IGHMBP2: variants seen among roughly 807,000 people sequenced by gnomAD.
The protein encoded by IGHMBP2 is DNA-binding protein SMUBP-2.
IGHMBP2 carries 81 observed loss-of-function variants against 96.0 expected under a neutral mutation model. The observed-to-expected ratio is 0.84, with a 90% CI of 0.71 to 1.01. The LOEUF (loss-of-function observed/expected upper bound fraction) is 1.01, where lower values mean the gene tolerates loss of function less well. Among genes scored for constraint, IGHMBP2 ranks in the 50% least tolerant of loss-of-function variants. The pLI is 0.00. For synonymous variants in IGHMBP2, 557 were observed against 548.9 expected, an observed-to-expected ratio of 1.01 and a Z score of -0.21; for missense variants, 1,227 against 1,306.3, an observed-to-expected ratio of 0.94 and a Z score of 0.94.
chr11:68,914,339 C>T (rs963880701), intron 5 of IGHMBP2, among the ~76,000 whole-genome samples: 6 of 151,896 alleles, frequency 4.0e-5, no homozygotes, highest in Admixed American at 3.3e-4. Flanking sequence ...CTACAGTGTT[C>T]GGGAGACAAC....
chr11:68,911,371 C>G, intron 4 of IGHMBP2, 69 bp from the exon 5 acceptor site: 9 of 1,531,592 alleles, frequency 5.9e-6, no homozygotes, highest in Non-Finnish European at 6.3e-6. Flanking sequence ...GGGGCACACA[C>G]TCTCTGAGGA....
chr11:68,911,966 C>A (rs2154006979), intron 5 of IGHMBP2, among the ~76,000 whole-genome samples: 1 of 152,352 alleles, frequency 6.6e-6, no homozygotes, highest in South Asian at 2.1e-4. Context: ...TGGGCCCGGT[C>A]TGTGCCCGTC....
rs562842135 is a variant in IGHMBP2, at chr11:68,920,164, G to A, written c.1060+2281G>A. 1.1e-4 allele frequency among the ~76,000 whole-genome samples: 17 copies of A among 152,266 alleles called. No individual in the cohort carries two copies. The South Asian group carries it at 1.2e-3, about 11-fold the overall frequency. ...TAAGTGGAACCATGCAGGATTTGTC[G>A]TCTTGTGACTGGCTTGTTTTATTTA... On this transcript the variant is annotated intron_variant, in intron 7 of 14. Coordinates refer to ENST00000255078, the MANE Select transcript of IGHMBP2 (RefSeq NM_002180.3).
Position 68,933,892 on chromosome 11 carries a change from G to A in IGHMBP2, c.1516G>A (p.Glu506Lys), listed in dbSNP as rs556292818. Residue 506 changes from glutamate (E) to lysine (K), a missense_variant, in exon 10 of 15, where the codon GAA becomes AAA. Glu to Lys is a moderately conservative substitution (Grantham distance 56). Transcript: ENST00000255078. ...CGLFELEEED[E>K]QSKGNPGEVR... Reference sequence around the variant, plus strand: ...GCTGTTTGAGCTGGAGGAGGAGGACGAACAGTCGAAAGGGAACCCTGGTGA... The same window carrying A: ...GCTGTTTGAGCTGGAGGAGGAGGACAAACAGTCGAAAGGGAACCCTGGTGA... 8.8e-6 allele frequency: 14 copies of A among 1,596,538 alleles called. No homozygotes were observed. Among genetic ancestry groups the A allele is most frequent in the East Asian group, 4.5e-5 (2 of 44,316 alleles).
chr11:68,910,558 C>T (rs1858388562), intron 4 of IGHMBP2, among the ~76,000 whole-genome samples: 2 of 152,202 alleles, frequency 1.3e-5, no homozygotes, highest in African/African-American at 4.8e-5. Context: ...GGGCTGAGCA[C>T]AGCACCACCT....
intron 4 of IGHMBP2, among the ~76,000 whole-genome samples, chr11:68,909,027 G>A (rs1031802495): frequency 1.3e-5 from 2 of 151,530 alleles, no homozygotes; most frequent in African/African-American, 4.9e-5. Context: ...TTTTAGTAGA[G>A]ATGAGGTTTC....
At chr11:68,904,074 G>T in intron 1 of IGHMBP2, 36 bp downstream of exon 1, 1 of 1,511,046 alleles carries the variant, frequency 6.6e-7, no homozygotes, top group Middle Eastern at 1.9e-4. Flanking sequence ...CCTCGCGGTC[G>T]GTCCCGCCGT....
In IGHMBP2 at chr11:68,938,340, C is replaced by T. The variant is rs1594458556; in HGVS notation, c.2770C>T (p.His924Tyr). 6.2e-7 allele frequency: 1 copy of T among 1,610,828 alleles called. No homozygotes were observed. Among genetic ancestry groups the T allele is most frequent in the Non-Finnish European group, 8.5e-7 (1 of 1,179,256 alleles). Reference sequence around the variant, plus strand: ...CTGCAGCCGCCGCTACTGCCTCAGCCACCACCTGCCCGAGGTATGTCGGCC... The same window carrying T: ...CTGCAGCCGCCGCTACTGCCTCAGCTACCACCTGCCCGAGGTATGTCGGCC... ...QLCSRRYCLS[H>Y]HLPEIHGCGE... The change falls in exon 14 of 15, where the codon CAC becomes TAC. Residue 924 changes from histidine to tyrosine, a missense_variant. Physicochemically the swap from His to Tyr is moderately conservative, Grantham distance 83. Around this residue, in one of 3 missense-constraint regions of IGHMBP2, gnomAD observed 703 missense variants for 770.3 expected, o/e 0.91. Coordinates refer to ENST00000255078, the MANE Select transcript of IGHMBP2 (RefSeq NM_002180.3).
intron 3 of IGHMBP2, 24 bp from the exon 4 acceptor site, chr11:68,908,510 A>G: frequency 6.3e-7 from 1 of 1,590,956 alleles, no homozygotes; most frequent in Non-Finnish European, 8.6e-7. Context: ...CAGGTGTTCT[A>G]ATTTTAGTTT....
At chr11:68,929,624 C>A in intron 8 of IGHMBP2, 1 of 544,646 alleles carries the variant, frequency 1.8e-6, no homozygotes, top group Non-Finnish European at 2.3e-6. Flanking sequence ...TGTTCCGTCC[C>A]TGCTTGTTGA....
Position 68,906,249 on chromosome 11 carries a change from A to G in IGHMBP2, c.256+11A>G, listed in dbSNP as rs748284174. ...ACAGCTTTACTTCTGGTGTGTGCGTATTGACCTAGACAGACATTGAAATTT... is the reference window on the plus strand; with the variant it reads ...ACAGCTTTACTTCTGGTGTGTGCGTGTTGACCTAGACAGACATTGAAATTT... On this transcript the variant is annotated intron_variant, in intron 2 of 14. Coordinates refer to ENST00000255078, the MANE Select transcript of IGHMBP2 (RefSeq NM_002180.3). 10 of 1,613,694 alleles carry G rather than the reference A, an allele frequency of 6.2e-6. No homozygotes were observed. The South Asian group carries it at 6.6e-5, about 11-fold the overall frequency.
At chr11:68,912,062 A>T (rs1008792864) in intron 5 of IGHMBP2, among the ~76,000 whole-genome samples, 1 of 152,242 alleles carries the variant, frequency 6.6e-6, no homozygotes, top group African/African-American at 2.4e-5. Context: ...TGCACAGATG[A>T]ATGATTTTCT....
chr11:68,908,253 A>G lies in IGHMBP2; in HGVS notation c.365A>G (p.His122Arg), dbSNP rs1858282258. ...KSVTVAFDES[H>R]DFQLSLDREN... ...GTCACGGTGGCCTTTGATGAGTCCC[A>G]CGATTTCCAGTTGAGCTTGGACCGA... The change falls in exon 3 of 15, where the codon CAC becomes CGC. Residue 122 changes from histidine to arginine, a missense_variant. His to Arg is a conservative substitution (Grantham distance 29). Transcript: ENST00000255078. 1.9e-6 allele frequency: 3 copies of G among 1,614,110 alleles called. No individual in the cohort carries two copies. In the East Asian group the frequency reaches 6.7e-5, roughly 36 times the overall value.
At chr11:68,924,064 G>T (rs183460924) in intron 7 of IGHMBP2, among the ~76,000 whole-genome samples, 168 of 152,150 alleles carry the variant, frequency 1.1e-3, no homozygotes, top group African/African-American at 3.4e-3. Flanking sequence ...GTTATTCAGG[G>T]GTTACTTTTC....
chr11:68,918,487 C>G (rs1566432943), intron 7 of IGHMBP2, among the ~76,000 whole-genome samples: 1 of 151,816 alleles, frequency 6.6e-6, no homozygotes, highest in Non-Finnish European at 1.5e-5. Context: ...ACTAAAAATA[C>G]AAAAATTAGC....
chr11:68,910,681 A>T (rs928544901), intron 4 of IGHMBP2, among the ~76,000 whole-genome samples: 20 of 152,314 alleles, frequency 1.3e-4, no homozygotes, highest in African/African-American at 4.3e-4. Flanking sequence ...CAGGAGATCA[A>T]GACCATCCTG....
Position 68,931,663 on chromosome 11 carries a change from C to T in IGHMBP2, c.1236-1636C>T, listed in dbSNP as rs1012901693. On this transcript the variant is annotated intron_variant, in intron 8 of 14. Transcript: ENST00000255078. ...CAGCCACAGCCAGGGTTCCCTGCTG[C>T]AGCCGGCATGATGGCAGCAGCCACT... 3.3e-5 allele frequency among the ~76,000 whole-genome samples: 5 copies of T among 152,122 alleles called. No individual in the cohort carries two copies. In the East Asian group the frequency reaches 9.7e-4, roughly 29 times the overall value.
At position 68,935,427 on chromosome 11, in the gene IGHMBP2, G is replaced by A. The variant is rs1352994155; in HGVS notation, c.1756+5G>A. 5.0e-6 allele frequency: 8 copies of A among 1,613,802 alleles called. No individual in the cohort carries two copies. Among genetic ancestry groups the A allele is most frequent in the Admixed American group, 1.7e-5 (1 of 60,004 alleles). On this transcript the variant is annotated splice_donor_5th_base_variant and intron_variant, in intron 12 of 14. Transcript: ENST00000255078. ...TCGTCAGATCCAACAGGAAAGGTAC[G>A]GAGCCCTCGCCAGAGTCCTTTGGGG...
At chr11:68,935,755 T>C (rs951997467) in intron 12 of IGHMBP2, among the ~76,000 whole-genome samples, 3 of 152,108 alleles carry the variant, frequency 2.0e-5, no homozygotes, top group African/African-American at 7.2e-5. Flanking sequence ...CCGCGGGGTG[T>C]GGTGGTCGTG....
Sources: gnomAD v4.1 joint callset for allele counts (sites outside exome capture counted in the v4.1 genomes callset) on GRCh38, gnomAD v4.1.1 for gene constraint, gnomAD v4.1.1 regional missense constraint, MANE v1.5 for transcripts, NCBI Gene and HGNC (gene_info 2026-07-23, HGNC 2026-07-21) for gene names.